The following DPYSL5 variants were observed in gnomAD, a reference collection of about 807,000 sequenced individuals.
DPYSL5 encodes dihydropyrimidinase like 5.
Under a neutral mutation model 58.4 loss-of-function variants are expected in DPYSL5, and 9 were observed. The observed-to-expected ratio is 0.15, with a 90% CI of 0.09 to 0.27. The LOEUF is 0.27. DPYSL5 is among the 10% of genes least tolerant of loss of function. DPYSL5 has a pLI of 1.00. For missense variants in DPYSL5, 499 were observed against 770.6 expected (o/e 0.65, Z 4.17); for synonymous variants, 293 against 301.9 (o/e 0.97, Z 0.31).
intron 1 of DPYSL5, among the ~76,000 whole-genome samples, chr2:26,897,364 C>G (rs916134273): frequency 2.6e-5 from 4 of 152,148 alleles, no homozygotes; most frequent in South Asian, 2.1e-4. Context: ...GAGTTTTTAT[C>G]ATGAATGGGT....
intron 2 of DPYSL5, among the ~76,000 whole-genome samples, chr2:26,917,549 G>T (rs1271467598): frequency 6.6e-6 from 1 of 152,072 alleles, no homozygotes; most frequent in Non-Finnish European, 1.5e-5. Context: ...GGGTTGGGGG[G>T]TGGTGCAAAG....
intron 2 of DPYSL5, among the ~76,000 whole-genome samples, chr2:26,915,762 GT>G: frequency 6.6e-6 from 1 of 152,102 alleles, no homozygotes. Context: ...TTTATTTCCT[GT>G]TCTGCTAAGA....
intron 1 of DPYSL5, among the ~76,000 whole-genome samples, chr2:26,885,921 T>C (rs1057325618): frequency 5.3e-5 from 8 of 152,234 alleles, no homozygotes; most frequent in African/African-American, 1.9e-4. Flanking sequence ...TCTTCCTGGA[T>C]GTCGACCCTG....
intron 1 of DPYSL5, among the ~76,000 whole-genome samples, chr2:26,880,338 T>C (rs1663525114): frequency 6.6e-6 from 1 of 152,218 alleles, no homozygotes; most frequent in Non-Finnish European, 1.5e-5. Flanking sequence ...CATGCCTGGC[T>C]TGGCATAATC....
Position 26,942,757 on chromosome 2 carries a change from T to C in DPYSL5, c.1440+7T>C, listed in dbSNP as rs759823242. On this transcript the variant is annotated splice_region_variant and intron_variant, in intron 11 of 12. Transcript: ENST00000288699. This position sits in a 1 kb window ranked among gnomAD's most constrained non-coding sequence, Gnocchi z 5.9. ...GCTGGTCCAGAGAGAGAAGGTGAGG[T>C]GGGAGGAGGAAGATGCAGGGGTGTT... is the stretch of plus-strand genomic sequence containing the variant. 4.3e-6 allele frequency: 7 copies of C among 1,612,384 alleles called. No individual in the cohort carries two copies. Among genetic ancestry groups the C allele is most frequent in the Middle Eastern group, 1.7e-4 (1 of 5,966 alleles).
chr2:26,921,954 C>G (rs574623983), intron 2 of DPYSL5, among the ~76,000 whole-genome samples: 1 of 152,212 alleles, frequency 6.6e-6, no homozygotes, highest in East Asian at 1.9e-4. Context: ...CCTTCCTGAA[C>G]TATTTTCAGT....
intron 2 of DPYSL5, among the ~76,000 whole-genome samples, chr2:26,907,712 C>T (rs1241452650): frequency 6.6e-6 from 1 of 152,204 alleles, no homozygotes; most frequent in African/African-American, 2.4e-5. Flanking sequence ...GGCGAACAGC[C>T]TCTCGTGGCA....
At chr2:26,928,857 G>A (rs552941241) in intron 5 of DPYSL5, among the ~76,000 whole-genome samples, 6 of 151,182 alleles carry the variant, frequency 4.0e-5, no homozygotes, top group Non-Finnish European at 8.8e-5. Flanking sequence ...CAGCACACCT[G>A]GGGTTGCTGT....
chr2:26,936,733 C>A (rs1051335214), intron 8 of DPYSL5, among the ~76,000 whole-genome samples: 2 of 151,892 alleles, frequency 1.3e-5, no homozygotes, highest in African/African-American at 4.8e-5. Flanking sequence ...AGGCAGATTA[C>A]CTGAGGTCAG....
chr2:26,872,466 C>T (rs1460852854), intron 1 of DPYSL5, among the ~76,000 whole-genome samples: 2 of 152,172 alleles, frequency 1.3e-5, no homozygotes, highest in East Asian at 1.9e-4. Flanking sequence ...CCGAGGTGGG[C>T]GGATCACGAG....
chr2:26,873,215 T>A (rs942143226), intron 1 of DPYSL5, among the ~76,000 whole-genome samples: 3 of 152,226 alleles, frequency 2.0e-5, no homozygotes, highest in African/African-American at 7.2e-5. Context: ...AACACAACAA[T>A]TTTTTGATGT....
chr2:26,878,250 G>T (rs1214268384), intron 1 of DPYSL5, among the ~76,000 whole-genome samples: 2 of 152,102 alleles, frequency 1.3e-5, no homozygotes, highest in Non-Finnish European at 2.9e-5. Context: ...TATTAATAAA[G>T]GTGAACATCT....
intron 2 of DPYSL5, among the ~76,000 whole-genome samples, chr2:26,916,535 A>G (rs571162584): frequency 2.0e-4 from 30 of 152,320 alleles, no homozygotes; most frequent in Middle Eastern, 3.4e-3. Context: ...TGATGGAATC[A>G]GATTAATCAA....
intron 5 of DPYSL5, among the ~76,000 whole-genome samples, chr2:26,928,976 T>TTC: frequency 6.6e-6 from 1 of 151,728 alleles, no homozygotes; most frequent in East Asian, 2.0e-4. Context: ...CCTTTGAGCA[T>TTC]CTGAGGAATA....
chr2:26,930,212 C>A (rs1664935678), intron 5 of DPYSL5, among the ~76,000 whole-genome samples: 2 of 134,150 alleles, frequency 1.5e-5, no homozygotes, highest in South Asian at 4.7e-4. Flanking sequence ...AGAGGGTATG[C>A]CTGTGAGAAC....
chr2:26,870,252 C>T (rs1344438467), intron 1 of DPYSL5, among the ~76,000 whole-genome samples: 2 of 151,974 alleles, frequency 1.3e-5, no homozygotes, highest in African/African-American at 4.8e-5. Context: ...TTGTCCTGTT[C>T]CATGGTTCTT....
In DPYSL5 at chr2:26,856,909, T is replaced by C. The variant is rs976017814; in HGVS notation, c.-5+8655T>C. ...ATTATATATATTATATATACATATA[T>C]AATATATGTAATAAATATTATATAT... is the stretch of plus-strand genomic sequence containing the variant. On this transcript the variant is annotated intron_variant, in intron 1 of 12. Coordinates refer to ENST00000288699, the MANE Select transcript of DPYSL5 (RefSeq NM_020134.4). Among the ~76,000 whole-genome samples the C allele has an allele frequency of 2.7e-5, 4 of 147,718 alleles. No individual in the cohort carries two copies. In the South Asian group the frequency reaches 8.4e-4, roughly 31 times the overall value.
intron 1 of DPYSL5, among the ~76,000 whole-genome samples, chr2:26,855,290 G>A (rs1176978693): frequency 6.6e-6 from 1 of 151,988 alleles, no homozygotes; most frequent in Non-Finnish European, 1.5e-5. Flanking sequence ...TTAGCTGGGC[G>A]TGGTGGCAGG....
At chr2:26,860,770 A>G (rs1223607458) in intron 1 of DPYSL5, among the ~76,000 whole-genome samples, 19 of 152,214 alleles carry the variant, frequency 1.2e-4, no homozygotes, top group Admixed American at 1.2e-3. Context: ...TGGGAGGAAA[A>G]CAATGCAGAA....
Sources: gnomAD v4.1 joint callset for allele counts (sites outside exome capture counted in the v4.1 genomes callset) on GRCh38, gnomAD v4.1.1 for gene constraint, Gnocchi (gnomAD v3.1) non-coding constraint, MANE v1.5 for transcripts, NCBI Gene and HGNC (gene_info 2026-07-23, HGNC 2026-07-21) for gene names.